G6PC3: variants seen among roughly 807,000 people sequenced by gnomAD.
G6PC3 encodes glucose-6-phosphatase 3.
G6PC3 carries 30 observed loss-of-function variants against 38.6 expected under a neutral mutation model. That is an observed-to-expected ratio of 0.78 (90% confidence interval 0.58 to 1.05). The LOEUF is 1.05. Among genes scored for constraint, G6PC3 ranks in the 50% least tolerant of loss-of-function variants. The probability of loss-of-function intolerance (pLI) is 0.00; values close to 1 mark genes in which losing one functional copy is unlikely to be tolerated. For missense variants in G6PC3, 377 were observed against 443.1 expected, an observed-to-expected ratio of 0.85 and a Z score of 1.34; for synonymous variants, 192 against 178.1, an observed-to-expected ratio of 1.08 and a Z score of -0.62.
upstream of G6PC3, chr17:44,070,732 C>G (rs1017611442): frequency 3.3e-6 from 2 of 604,934 alleles, no homozygotes; most frequent in Non-Finnish European, 6.0e-6. Flanking sequence ...CCCTGCGCTG[C>G]CCAGTAGGGA....
chr17:44,074,346 T>G, intron 2 of G6PC3, 80 bp downstream of exon 2: 1 of 1,146,638 alleles, frequency 8.7e-7, no homozygotes, highest in Non-Finnish European at 1.3e-6. Context: ...TCAGCCTGGG[T>G]GGCCCAACCA....
chr17:44,071,533 T>C (rs2049978361), intron 1 of G6PC3: 1 of 675,112 alleles, frequency 1.5e-6, no homozygotes, highest in South Asian at 1.9e-5. Context: ...TGGGAATTCA[T>C]ATTTTAACAA....
chr17:44,071,773 G>A, intron 1 of G6PC3: 1 of 531,866 alleles, frequency 1.9e-6, no homozygotes, highest in South Asian at 1.5e-5. Context: ...CCGGGCCAGA[G>A]CTACTGAATC....
Position 44,074,365 on chromosome 17 carries a change from G to A in G6PC3, c.325+99G>A, listed in dbSNP as rs2050036363. ...CCTGGGTGGCCCAACCAAAGGACCA[G>A]CCTCTCAATTACTGGCGCAGAGAAC... On this transcript the variant is annotated intron_variant, in intron 2 of 5. Coordinates refer to ENST00000269097, the MANE Select transcript of G6PC3 (RefSeq NM_138387.4). The A allele has an allele frequency of 4.2e-6, 4 of 959,814 alleles. No individual in the cohort carries two copies. In the South Asian group the frequency reaches 5.2e-5, roughly 12 times the overall value. The allele number at this position is 959,814 out of a possible 1,614,324, so 59.5% of individuals were successfully genotyped here. A position where few individuals can be genotyped will look rare whatever the true frequency, so the allele number is the denominator to read the frequency against.
At chr17:44,073,794 A>G (rs538053520) in intron 1 of G6PC3, 36 of 300,612 alleles carry the variant, frequency 1.2e-4, no homozygotes, top group African/African-American at 6.1e-4. Flanking sequence ...GGGTCTTGCT[A>G]TGTTGCCCAG....
At position 44,075,094 on chromosome 17, in the gene G6PC3, A is replaced by G; in HGVS notation, c.535+7A>G. The G allele has an allele frequency of 6.2e-7, 1 of 1,604,308 alleles. No individual in the cohort carries two copies. The highest frequency in any genetic ancestry group is 1.1e-5 in the South Asian group (1 of 90,934). On this transcript the variant is annotated splice_region_variant and intron_variant, in intron 4 of 5. Transcript: ENST00000269097. ...CTGGCTGGCCTAATAACTGGTGAGC[A>G]ACTGGGGCAACGGGGTGGACTGAGA...
At chr17:44,074,369 C>T (rs1424328259) in intron 2 of G6PC3, 103 bp downstream of exon 2, 29 of 933,758 alleles carry the variant, frequency 3.1e-5, no homozygotes, top group Admixed American at 5.2e-5. Flanking sequence ...GGACCAGCCT[C>T]TCAATTACTG....
chr17:44,074,713 C>T lies in G6PC3; in HGVS notation c.359C>T (p.Ala120Val). 1 of 1,614,082 alleles carries T rather than the reference C, an allele frequency of 6.2e-7. No homozygotes were observed. Among genetic ancestry groups the T allele is most frequent in the Non-Finnish European group, 8.5e-7 (1 of 1,180,014 alleles). The change falls in exon 3 of 6, where the codon GCA (alanine) becomes GTA (valine). Residue 120 changes from alanine (A) to valine (V), a missense_variant. By Grantham distance (64) the Ala-to-Val change is moderately conservative (BLOSUM62 0). Transcript: ENST00000269097. The part of the protein sequence containing the change: ...SPSGHCMITG[A>V]ALWPIMTALS... ...TCTGGACACTGCATGATCACAGGAG[C>T]AGCCCTCTGGCCCATAATGACGGCC...
At chr17:44,073,962 T>C (rs867208786) in intron 1 of G6PC3, 198 bp from the exon 2 acceptor site, 2 of 639,812 alleles carry the variant, frequency 3.1e-6, no homozygotes, top group East Asian at 5.3e-5. Flanking sequence ...AAAGAAATAG[T>C]GTGCTTTCTT....
chr17:44,075,907 A>AC lies in G6PC3; in HGVS notation c.911dup (p.Gln305SerfsTer82), dbSNP rs34019455. On this transcript the variant is annotated frameshift_variant, in exon 6 of 6. Transcript: ENST00000269097. LOFTEE classifies it high-confidence loss of function. ...CTGGGCCCCCTGGACTGGCTGGGCC[A>AC]CCCCCCTCAGATCAGCCTCTTCTAC... The AC allele has an allele frequency of 3.1e-6, 5 of 1,612,648 alleles. No homozygotes were observed. In the South Asian group the frequency reaches 4.4e-5, roughly 14 times the overall value.
chr17:44,075,909 C>G lies in G6PC3; in HGVS notation c.907C>G (p.Pro303Ala), dbSNP rs1434262133. The G allele has an allele frequency of 6.2e-7, 1 of 1,612,994 alleles. No homozygotes were observed. The highest frequency in any genetic ancestry group is 1.3e-5 in the African/African-American group (1 of 74,930). The change falls in exon 6 of 6, where the codon CCC becomes GCC. Residue 303 changes from proline (P) to alanine (A), a missense_variant. By Grantham distance (27) the Pro-to-Ala change is conservative. Transcript: ENST00000269097. ...GGGCCCCCTGGACTGGCTGGGCCAC[C>G]CCCCTCAGATCAGCCTCTTCTACAT... ...LLGPLDWLGH[P>A]PQISLFYIFN... is the part of the protein sequence containing the mutation.
intron 1 of G6PC3, 31 bp downstream of exon 1, chr17:44,071,214 T>C (rs763276794): frequency 6.2e-7 from 1 of 1,604,258 alleles, no homozygotes; most frequent in Non-Finnish European, 8.5e-7. Context: ...GGCATCCTGG[T>C]CCCCACCCCC....
Position 44,075,436 on chromosome 17 carries a change from G to A in G6PC3, c.662G>A (p.Gly221Asp), listed in dbSNP as rs1483868102. 6.2e-7 allele frequency: 1 copy of A among 1,614,060 alleles called. No individual in the cohort carries two copies. Residue 221 changes from glycine (G) to aspartate (D), a missense_variant, in exon 5 of 6, where the codon GGC becomes GAC. By Grantham distance (94) the Gly-to-Asp change is moderately conservative. Coordinates refer to ENST00000269097, the MANE Select transcript of G6PC3 (RefSeq NM_138387.4). ...SLIYWTLFTL[G>D]LDLSWSISLA... ...ATCTATTGGACCCTCTTTACACTGG[G>A]CCTGGATCTTTCTTGGTAAGTCTCG...
Position 44,071,910 on chromosome 17 carries a change from C to T in G6PC3, c.218+727C>T, listed in dbSNP as rs1597906202. On this transcript the variant is annotated intron_variant, in intron 1 of 5. Coordinates refer to ENST00000269097, the MANE Select transcript of G6PC3 (RefSeq NM_138387.4). ...CTTTCATTCACCAGTAGACTCTTCA[C>T]ACTGAGACTTAGAAGCCAGGAATCC... The T allele has an allele frequency of 1.2e-5, 4 of 342,072 alleles. No individual in the cohort carries two copies. The East Asian group carries it at 2.4e-4, about 21-fold the overall frequency. 21.2% of individuals were successfully genotyped at this position (342,072 alleles called of 1,614,324 possible).
At chr17:44,071,557 A>G in intron 1 of G6PC3, 1 of 723,200 alleles carries the variant, frequency 1.4e-6, no homozygotes, top group Non-Finnish European at 2.0e-6. Context: ...TGGTGATTTA[A>G]GTAGTGGAGA....
Position 44,075,384 on chromosome 17 carries a change from C to T in G6PC3, c.610C>T (p.Leu204=). 1 of 1,614,170 alleles carries T rather than the reference C, an allele frequency of 6.2e-7. No homozygotes were observed. The highest frequency in any genetic ancestry group is 1.3e-5 in the African/African-American group (1 of 75,044). ...RELSFYGLTA[L]ALMLGTSLIY... is the part of the protein sequence containing the mutation. ...GCTAAGCTTCTATGGGTTGACTGCA[C>T]TGGCCCTCATGCTAGGCACCAGCCT... Residue 204 remains leucine, a synonymous_variant, in exon 5 of 6, where the codon CTG becomes TTG. Transcript: ENST00000269097.
Position 44,075,021 on chromosome 17 carries a change from G to A in G6PC3, c.469G>A (p.Val157Ile). The A allele has an allele frequency of 6.2e-7, 1 of 1,614,182 alleles. No individual in the cohort carries two copies. Among genetic ancestry groups the A allele is most frequent in the Non-Finnish European group, 8.5e-7 (1 of 1,180,028 alleles). Residue 157 changes from valine (V) to isoleucine (I), a missense_variant, in exon 4 of 6, where the codon GTT (valine) becomes ATT (isoleucine). Val to Ile is a conservative substitution (Grantham distance 29). Transcript: ENST00000269097. The part of the protein sequence containing the change: ...SLAYCTFLLA[V>I]GLSRIFILAH... The stretch of plus-strand genomic sequence containing the variant: ...GGCTTATTGCACCTTCCTTTTGGCG[G>A]TTGGCTTGTCGCGAATCTTCATCTT...
intron 4 of G6PC3, 69 bp from the exon 5 acceptor site, chr17:44,075,241 G>A: frequency 6.2e-7 from 1 of 1,600,660 alleles, no homozygotes; most frequent in Non-Finnish European, 8.5e-7. Context: ...CTGCACTGCA[G>A]CTGGGGGTCG....
intron 1 of G6PC3, 124 bp downstream of exon 1, chr17:44,071,307 A>G (rs971177305): frequency 1.1e-5 from 17 of 1,485,964 alleles, no homozygotes; most frequent in African/African-American, 2.8e-5. Flanking sequence ...GTAGTCCCTG[A>G]TTTTTTTTCC....
Sources: allele counts gnomAD v4.1 joint callset, GRCh38; gene constraint gnomAD v4.1.1; transcripts MANE v1.5; gene names NCBI Gene and HGNC (gene_info 2026-07-23, HGNC 2026-07-21).